Variants in FAM193B observed in about 807,000 individuals in gnomAD.
The protein encoded by FAM193B is family with sequence similarity 193 member B.
FAM193B carries 27 observed loss-of-function variants against 70.7 expected under a neutral mutation model. That is an observed-to-expected ratio of 0.38 (90% confidence interval 0.28 to 0.53). The LOEUF (loss-of-function observed/expected upper bound fraction) is 0.53. Ranked by LOEUF, FAM193B falls within the 20% of genes least tolerant of loss-of-function variation. The pLI, the probability that FAM193B is intolerant of heterozygous loss-of-function variation, is 0.81. For missense variants in FAM193B, 1,022 were observed against 1,072.5 expected, an observed-to-expected ratio of 0.95 and a Z score of 0.66; for synonymous variants, 448 against 436.0, an observed-to-expected ratio of 1.03 and a Z score of -0.34.
At chr5:177,546,509 A>G (rs2127486177) in intron 1 of FAM193B, among the ~76,000 whole-genome samples, 1 of 152,378 alleles carries the variant, frequency 6.6e-6, no homozygotes, top group African/African-American at 2.4e-5. Flanking sequence ...AATTTAAAAC[A>G]GAGCCAAAAC....
At chr5:177,536,816 C>G in intron 3 of FAM193B, 71 bp from the exon 4 acceptor site, 1 of 1,511,348 alleles carries the variant, frequency 6.6e-7, no homozygotes, top group Non-Finnish European at 8.8e-7. Flanking sequence ...CACAGGCTCA[C>G]TGCCACAGCA....
At chr5:177,553,385 T>G in intron 1 of FAM193B, 1 of 1,003,652 alleles carries the variant, frequency 1.0e-6, no homozygotes, top group African/African-American at 1.7e-5. Flanking sequence ...AACTCAAAAC[T>G]CTTTTGTCAG....
chr5:177,552,700 G>T (rs766418479), intron 1 of FAM193B, among the ~76,000 whole-genome samples: 1 of 152,204 alleles, frequency 6.6e-6, no homozygotes, highest in South Asian at 2.1e-4. Context: ...TAGGGGTTGG[G>T]GGTCCAACCT....
At chr5:177,544,169 C>CA (rs1337679663) in intron 1 of FAM193B, among the ~76,000 whole-genome samples, 1 of 152,226 alleles carries the variant, frequency 6.6e-6, no homozygotes, top group Non-Finnish European at 1.5e-5. Flanking sequence ...AGATTACTCA[C>CA]AAGGGATCCA....
intron 5 of FAM193B, chr5:177,531,477 C>T: frequency 2.2e-6 from 3 of 1,358,950 alleles, no homozygotes; most frequent in Non-Finnish European, 2.9e-6. Context: ...AGCGGAGCTT[C>T]TCCCGGATCT....
At chr5:177,523,190 G>T in intron 7 of FAM193B, 1 of 360,448 alleles carries the variant, frequency 2.8e-6, no homozygotes. Context: ...AGTAGAGACG[G>T]GGTTTCACCA....
At position 177,524,449 on chromosome 5, in the gene FAM193B, G is replaced by A; in HGVS notation, c.2032C>T (p.Leu678=). The change falls in exon 6 of 9, where the codon CTA becomes TTA. Residue 678 remains leucine, a synonymous_variant. Coordinates refer to ENST00000514747, the MANE Select transcript of FAM193B (RefSeq NM_001190946.3). ...VAGPKQPGRV[L]ELPKVGSCAE... is the part of the protein sequence containing the mutation. ...CAGCTGCCTACTTTGGGAAGCTCTA[G>A]GACCCTGCCTGGCTGCTTGGGGCCA... The A allele has an allele frequency of 6.2e-7, 1 of 1,610,302 alleles. No individual in the cohort carries two copies. Among genetic ancestry groups the A allele is most frequent in the South Asian group, 1.1e-5 (1 of 90,604 alleles).
rs763258856 is a variant in FAM193B, at chr5:177,524,590, C to A, written c.1891G>T (p.Gly631Cys). Residue 631 changes from glycine to cysteine, a missense_variant, in exon 6 of 9, where the codon GGT becomes TGT. Transcript: ENST00000514747. ...KQELPEPVSS[G>C]GKPQKGKRQG... ...CTCTTGCCCTTCTGTGGCTTCCCAC[C>A]TGAGGACACAGGCTCAGGCAGCTCC... 1 of 1,611,268 alleles carries A rather than the reference C, an allele frequency of 6.2e-7. No homozygotes were observed. The highest frequency in any genetic ancestry group is 2.2e-5 in the East Asian group (1 of 44,888).
intron 6 of FAM193B, 42 bp from the exon 7 acceptor site, chr5:177,524,074 G>C (rs1052462970): frequency 6.2e-7 from 1 of 1,613,460 alleles, no homozygotes; most frequent in Non-Finnish European, 8.5e-7. Flanking sequence ...CCATGGCCAG[G>C]CCTTTGGGGT....
intron 7 of FAM193B, among the ~76,000 whole-genome samples, chr5:177,522,653 T>C (rs1041153110): frequency 1.3e-5 from 2 of 152,110 alleles, no homozygotes; most frequent in South Asian, 2.1e-4. Context: ...CCACATACTT[T>C]AAATCATCTC....
At chr5:177,527,019 T>C (rs893130009) in intron 5 of FAM193B, among the ~76,000 whole-genome samples, 1 of 152,192 alleles carries the variant, frequency 6.6e-6, no homozygotes, top group Admixed American at 6.5e-5. Flanking sequence ...TCTGGGAATC[T>C]AGAGGAGATG....
chr5:177,523,968 C>A lies in FAM193B; in HGVS notation c.2361G>T (p.Glu787Asp). 1 of 1,614,070 alleles carries A rather than the reference C, an allele frequency of 6.2e-7. No homozygotes were observed. The highest frequency in any genetic ancestry group is 8.5e-7 in the Non-Finnish European group (1 of 1,179,906). Reference sequence around the variant, plus strand: ...CAGCCCACACCTACCTCTTAAAGTACTCCACCTCTCGGTCAGTCTCATCCA... The same window carrying A: ...CAGCCCACACCTACCTCTTAAAGTAATCCACCTCTCGGTCAGTCTCATCCA... ...VEMDETDREV[E>D]YFKRFCLDSA... The change falls in exon 7 of 9, where the codon GAG becomes GAT. Residue 787 changes from glutamate (E) to aspartate (D), a missense_variant. By Grantham distance (45) the Glu-to-Asp change is conservative. Coordinates refer to ENST00000514747, the MANE Select transcript of FAM193B (RefSeq NM_001190946.3).
At chr5:177,543,605 C>T (rs1765101752) in intron 1 of FAM193B, among the ~76,000 whole-genome samples, 1 of 152,214 alleles carries the variant, frequency 6.6e-6, no homozygotes, top group African/African-American at 2.4e-5. Context: ...CTGCTACTTT[C>T]ATCTCCACTT....
At chr5:177,520,599 G>C (rs143614589) in intron 8 of FAM193B, among the ~76,000 whole-genome samples, 1 of 152,206 alleles carries the variant, frequency 6.6e-6, no homozygotes, top group Non-Finnish European at 1.5e-5. Context: ...GGCCAGACCA[G>C]GTGAAAAAGG....
At chr5:177,536,323 G>A in intron 4 of FAM193B, 35 bp downstream of exon 4, 2 of 1,600,710 alleles carry the variant, frequency 1.2e-6, no homozygotes, top group Non-Finnish European at 1.7e-6. Flanking sequence ...AAGTTCAAGT[G>A]GGTAGCGAGT....
chr5:177,535,925 T>A (rs1764111857), intron 4 of FAM193B, among the ~76,000 whole-genome samples: 1 of 151,322 alleles, frequency 6.6e-6, no homozygotes, highest in South Asian at 2.1e-4. Flanking sequence ...CATACTATTT[T>A]TTTTTTTTTT....
In FAM193B at chr5:177,532,151, C is replaced by T; in HGVS notation, c.1275+292G>A. 1 of 1,411,894 alleles carries T rather than the reference C, an allele frequency of 7.1e-7. No individual in the cohort carries two copies. Among genetic ancestry groups the T allele is most frequent in the Non-Finnish European group, 9.4e-7 (1 of 1,068,702 alleles). The allele number at this position is 1,411,894 out of a possible 1,614,324, so 87.5% of individuals were successfully genotyped here. ...ACTTCTCTGGGATTACACACGTATA[C>T]ATACTCATCAGAATCATAGCTTTCT... On this transcript the variant is annotated intron_variant, in intron 5 of 8. Coordinates refer to ENST00000514747, the MANE Select transcript of FAM193B (RefSeq NM_001190946.3). This position sits in a 1 kb window ranked among gnomAD's most constrained non-coding sequence, Gnocchi z 4.9.
rs186070851 is a variant in FAM193B at position 177,538,584 on chromosome 5, T to A, written c.453+321A>T. On this transcript the variant is annotated intron_variant, in intron 2 of 8. Coordinates refer to ENST00000514747, the MANE Select transcript of FAM193B (RefSeq NM_001190946.3). The surrounding 1 kb of genome is among the most constrained non-coding windows in gnomAD (Gnocchi z 4.1). The stretch of plus-strand genomic sequence containing the variant: ...CATTTCAGACCCTCAAACTCATCTC[T>A]GTCTCCCATGTCATACTGGTTGGCT... Among the ~76,000 whole-genome samples the A allele has an allele frequency of 1.3e-5, 2 of 152,342 alleles. No homozygotes were observed. The highest frequency in any genetic ancestry group is 6.5e-5 in the Admixed American group (1 of 15,300).
Position 177,539,237 on chromosome 5 carries a change from G to A in FAM193B, c.211-90C>T, listed in dbSNP as rs1561776386. 3.5e-6 allele frequency: 5 copies of A among 1,420,258 alleles called. No homozygotes were observed. The South Asian group carries it at 5.9e-5, about 17-fold the overall frequency. The allele number at this position is 1,420,258 out of a possible 1,614,324, so 88.0% of individuals were successfully genotyped here. A position where few individuals can be genotyped will look rare whatever the true frequency, so the allele number is the denominator to read the frequency against. ...CAATATTAGTAATGCCACTTATTAC[G>A]TGCCAGGCACTGGGTTAGGCACTTT... On this transcript the variant is annotated intron_variant, in intron 1 of 8. Transcript: ENST00000514747.
Sources: gnomAD v4.1 joint callset for allele counts (sites outside exome capture counted in the v4.1 genomes callset) on GRCh38, gnomAD v4.1.1 for gene constraint, Gnocchi (gnomAD v3.1) non-coding constraint, MANE v1.5 for transcripts, NCBI Gene and HGNC (gene_info 2026-07-23, HGNC 2026-07-21) for gene names.